ZFP57: variants seen among roughly 807,000 people sequenced by gnomAD.
ZFP57 encodes ZFP57 zinc finger protein, also known as zinc finger protein 57 homolog.
ZFP57 carries 12 observed loss-of-function variants against 15.8 expected under a neutral mutation model. That is an observed-to-expected ratio of 0.76 (90% CI 0.49 to 1.23). The LOEUF is 1.23. ZFP57 is among the 50% of genes most tolerant of loss of function. The pLI, the probability that ZFP57 is intolerant of heterozygous loss-of-function variation, is 0.00. For synonymous variants in ZFP57, 203 were observed against 242.3 expected (o/e 0.84, Z 1.51); for missense variants, 536 against 654.9 (o/e 0.82, Z 1.98).
chr6:29,677,768 TACACACACAC>T (rs9278235), intron 1 of ZFP57, among the ~76,000 whole-genome samples: 25 of 149,620 alleles, frequency 1.7e-4, no homozygotes, highest in Non-Finnish European at 3.6e-4. Flanking sequence ...ACCAAAATTA[TACACACACAC>T]ACACACACAC....
downstream of ZFP57, chr6:29,672,428 C>T: frequency 6.3e-7 from 1 of 1,580,018 alleles, no homozygotes; most frequent in South Asian, 1.1e-5. Context: ...CCCTCTACTC[C>T]AGCCTCATTA....
Position 29,672,520 on chromosome 6 carries a change from T to C in ZFP57, c.1591A>G (p.Ser531Gly). Reference protein sequence around the residue: ...CKGDKTKEAVSILKHK With the variant: ...CKGDKTKEAVGILKHK Reference sequence around the variant, plus strand: ...GCCATTTATTTATGTTTCAAGATGCTCACTGCCTCCTTTGTTTTGTCTCCT... The same window carrying C: ...GCCATTTATTTATGTTTCAAGATGCCCACTGCCTCCTTTGTTTTGTCTCCT... The change falls in exon 5 of 5, where the codon AGC becomes GGC. Residue 531 changes from serine to glycine, a missense_variant. Coordinates refer to ENST00000376883, the MANE Select transcript of ZFP57 (RefSeq NM_001109809.5). 1 of 1,612,996 alleles carries C rather than the reference T, an allele frequency of 6.2e-7. No homozygotes were observed. The highest frequency in any genetic ancestry group is 8.5e-7 in the Non-Finnish European group (1 of 1,180,008).
chr6:29,677,791 A>ACACACACACACG (rs1562228106), intron 1 of ZFP57, among the ~76,000 whole-genome samples: 1 of 144,938 alleles, frequency 6.9e-6, no homozygotes, highest in African/African-American at 2.6e-5. Context: ...ACACACACAC[A>ACACACACACACG]CACACAATTC....
intron 4 of ZFP57, among the ~76,000 whole-genome samples, chr6:29,674,183 AG>A (rs1771943396): frequency 1.3e-5 from 2 of 150,032 alleles, no homozygotes; most frequent in Non-Finnish European, 3.0e-5. Flanking sequence ...AAGAAGAAGA[AG>A]GAAGAAGAAG....
intron 3 of ZFP57, 118 bp from the exon 4 acceptor site, chr6:29,675,605 T>C: frequency 1.1e-6 from 1 of 888,506 alleles, no homozygotes; most frequent in African/African-American, 1.6e-5. Context: ...CTGGGACATG[T>C]AGATGCGGAA....
chr6:29,673,182 C>T lies in ZFP57; in HGVS notation c.929G>A (p.Arg310Lys), dbSNP rs1224922089. 6.2e-7 allele frequency: 1 copy of T among 1,612,990 alleles called. No homozygotes were observed. Among genetic ancestry groups the T allele is most frequent in the Admixed American group, 1.7e-5 (1 of 60,010 alleles). ...TQAEFQTPIA[R>K]SQRSIQGLLD... ...AAGCCCCTGGATGGACCTCTGGCTT[C>T]TGGCGATGGGTGTCTGGAATTCAGC... Residue 310 changes from arginine (R) to lysine (K), a missense_variant, in exon 5 of 5, where the codon AGA becomes AAA. Transcript: ENST00000376883. This position sits in a 1 kb window ranked among gnomAD's most constrained non-coding sequence, Gnocchi z 4.7.
chr6:29,673,211 G>A lies in ZFP57; in HGVS notation c.900C>T (p.Thr300=). The A allele has an allele frequency of 1.2e-6, 2 of 1,612,980 alleles. No individual in the cohort carries two copies. Among genetic ancestry groups the A allele is most frequent in the African/African-American group, 2.7e-5 (2 of 75,002 alleles). ...NQECTLRIPG[T]QAEFQTPIAR... is the part of the protein sequence containing the mutation. ...CGATGGGTGTCTGGAATTCAGCCTG[G>A]GTGCCTGGAATCCTCAAAGTACACT... is the stretch of plus-strand genomic sequence containing the variant. The change falls in exon 5 of 5, where the codon ACC becomes ACT. Residue 300 remains threonine (T), a synonymous_variant. Coordinates refer to ENST00000376883, the MANE Select transcript of ZFP57 (RefSeq NM_001109809.5). The surrounding 1 kb of genome is among the most constrained non-coding windows in gnomAD (Gnocchi z 4.7).
At chr6:29,678,616 A>G (rs1222288277) in intron 1 of ZFP57, among the ~76,000 whole-genome samples, 2 of 152,070 alleles carry the variant, frequency 1.3e-5, no homozygotes, top group Non-Finnish European at 2.9e-5. Context: ...CCACATTCAT[A>G]CAACTTTTAT....
At position 29,672,627 on chromosome 6, in the gene ZFP57, T is replaced by C; in HGVS notation, c.1484A>G (p.Glu495Gly). The C allele has an allele frequency of 2.5e-6, 4 of 1,610,636 alleles. No homozygotes were observed. The highest frequency in any genetic ancestry group is 3.4e-6 in the Non-Finnish European group (4 of 1,178,256). Residue 495 changes from glutamate (E) to glycine (G), a missense_variant, in exon 5 of 5, where the codon GAG becomes GGG. By Grantham distance (98) the Glu-to-Gly change is moderately conservative. Coordinates refer to ENST00000376883, the MANE Select transcript of ZFP57 (RefSeq NM_001109809.5). ...TTGATCACCTCCATGCTTCCATTCC[T>C]CCCCAGCCATAGTGGGGACATCATG... is the stretch of plus-strand genomic sequence containing the variant. ...FSHDVPTMAG[E>G]EWKHGGDQSP... is the part of the protein sequence containing the mutation.
rs918068438 is a variant in ZFP57 at position 29,677,138 on chromosome 6, T to C, written c.-135A>G. The C allele has an allele frequency of 2.5e-6, 3 of 1,219,194 alleles. No individual in the cohort carries two copies. Among genetic ancestry groups the C allele is most frequent in the Non-Finnish European group, 3.6e-6 (3 of 838,514 alleles). 75.5% of individuals were successfully genotyped at this position (1,219,194 alleles called of 1,614,324 possible). On this transcript the variant is annotated 5_prime_UTR_variant, in exon 2 of 5. Coordinates refer to ENST00000376883, the MANE Select transcript of ZFP57 (RefSeq NM_001109809.5). ...AGAGGCCCAGCAAAGGCCCCAGGGT[T>C]TGATGTGGCTTCCTGTGACAAATGT...
rs1016766761 is a variant in ZFP57, at chr6:29,673,208, C to G, written c.903G>C (p.Gln301His). The part of the protein sequence containing the change: ...QECTLRIPGT[Q>H]AEFQTPIARS... ...TGGCGATGGGTGTCTGGAATTCAGC[C>G]TGGGTGCCTGGAATCCTCAAAGTAC... The change falls in exon 5 of 5, where the codon CAG (glutamine) becomes CAC (histidine). Residue 301 changes from glutamine (Q) to histidine (H), a missense_variant. Coordinates refer to ENST00000376883, the MANE Select transcript of ZFP57 (RefSeq NM_001109809.5). This position sits in a 1 kb window ranked among gnomAD's most constrained non-coding sequence, Gnocchi z 4.7. 6.2e-7 allele frequency: 1 copy of G among 1,613,002 alleles called. No homozygotes were observed. Among genetic ancestry groups the G allele is most frequent in the Non-Finnish European group, 8.5e-7 (1 of 1,180,016 alleles).
intron 2 of ZFP57, among the ~76,000 whole-genome samples, chr6:29,676,264 G>A (rs1435972884): frequency 1.3e-5 from 2 of 152,144 alleles, no homozygotes; most frequent in African/African-American, 4.8e-5. Context: ...GAGGCCGGAC[G>A]CGGTGGCTCA....
At chr6:29,678,455 C>T (rs1772180160) in intron 1 of ZFP57, among the ~76,000 whole-genome samples, 1 of 151,974 alleles carries the variant, frequency 6.6e-6, no homozygotes, top group African/African-American at 2.4e-5. Flanking sequence ...TAATAATGAC[C>T]CAAAAGCACA....
rs748373430 is a variant in ZFP57 at position 29,673,284 on chromosome 6, C to T, written c.827G>A (p.Arg276His). 8.7e-6 allele frequency: 14 copies of T among 1,613,014 alleles called. No homozygotes were observed. The highest frequency in any genetic ancestry group is 2.2e-5 in the East Asian group (1 of 44,876). Residue 276 changes from arginine to histidine, a missense_variant, in exon 5 of 5, where the codon CGC becomes CAC. Transcript: ENST00000376883. The surrounding 1 kb of genome is among the most constrained non-coding windows in gnomAD (Gnocchi z 4.7). ...CTGGTTTTGGTGTATCTTCTGGTGGCGTTTGAGCTCAGACTGGTCCCGGAA... is the reference window on the plus strand; with the variant it reads ...CTGGTTTTGGTGTATCTTCTGGTGGTGTTTGAGCTCAGACTGGTCCCGGAA... ...KSFRDQSELK[R>H]HQKIHQNQEP...
intron 2 of ZFP57, 32 bp from the exon 3 acceptor site, chr6:29,676,091 T>TA (rs1772052934): frequency 1.3e-6 from 2 of 1,596,404 alleles, no homozygotes; most frequent in Non-Finnish European, 1.7e-6. Context: ...AAGAAGTTTA[T>TA]ATAAATATAT....
At position 29,675,385 on chromosome 6, in the gene ZFP57, C is replaced by T. The variant is rs759238686; in HGVS notation, c.352+1G>A. 2 of 1,612,758 alleles carry T rather than the reference C, an allele frequency of 1.2e-6. No homozygotes were observed. Among genetic ancestry groups the T allele is most frequent in the Middle Eastern group, 1.7e-4 (1 of 6,060 alleles). ...CTTCCTCCCTGCTTGGCAATTCTTA[C>T]CTGAAAGGCCTTCTGTGTTTGGGAG... On this transcript the variant is annotated splice_donor_variant, in intron 4 of 4. Coordinates refer to ENST00000376883, the MANE Select transcript of ZFP57 (RefSeq NM_001109809.5). LOFTEE classifies it high-confidence loss of function.
intron 4 of ZFP57, 108 bp downstream of exon 4, chr6:29,675,278 T>C: frequency 2.3e-6 from 2 of 853,060 alleles, no homozygotes; most frequent in Non-Finnish European, 4.0e-6. Context: ...TGGACAGAGG[T>C]ACACTAGGAG....
intron 1 of ZFP57, among the ~76,000 whole-genome samples, chr6:29,679,041 A>AC (rs9280642): frequency 0.22 from 33,585 of 152,168 alleles, 3,841 homozygotes; most frequent in East Asian, 0.33. Context: ...AACAACAAAA[A>AC]CAAAGTATCC....
rs749555948 is a variant in ZFP57 at position 29,672,567 on chromosome 6, C to T, written c.1544G>A (p.Gly515Asp). ...TCCTTTGCAGGCCTTCTCTCTTAGG[C>T]CTCTTCTCCTGGGGGTATGGATCCT... is the stretch of plus-strand genomic sequence containing the variant. ...PPRIHTPRRR[G>D]LREKACKGDK... The change falls in exon 5 of 5, where the codon GGC becomes GAC. Residue 515 changes from glycine (G) to aspartate (D), a missense_variant. Physicochemically the swap from Gly to Asp is moderately conservative, Grantham distance 94. Coordinates refer to ENST00000376883, the MANE Select transcript of ZFP57 (RefSeq NM_001109809.5). The T allele has an allele frequency of 1.2e-6, 2 of 1,612,928 alleles. No individual in the cohort carries two copies. The highest frequency in any genetic ancestry group is 1.3e-5 in the African/African-American group (1 of 75,004).
Sources: gnomAD v4.1 joint callset for allele counts (sites outside exome capture counted in the v4.1 genomes callset) on GRCh38, gnomAD v4.1.1 for gene constraint, Gnocchi (gnomAD v3.1) non-coding constraint, MANE v1.5 for transcripts, NCBI Gene and HGNC (gene_info 2026-07-23, HGNC 2026-07-21) for gene names.